SYNE1: variants seen among roughly 807,000 people sequenced by gnomAD.
SYNE1 encodes the protein nesprin-1.
Under a neutral mutation model 1,111.0 loss-of-function variants are expected in SYNE1, and 616 were observed. The observed-to-expected ratio is 0.55, with a 90% CI of 0.52 to 0.59. The LOEUF is 0.59. SYNE1 is among the 20% of genes least tolerant of loss of function. The probability of loss-of-function intolerance (pLI) is 0.00; values close to 1 mark genes in which losing one functional copy is unlikely to be tolerated. For missense variants in SYNE1, 10,006 were observed against 10,417.0 expected (o/e 0.96, Z 1.72); for synonymous variants, 3,855 against 3,825.8 (o/e 1.01, Z -0.28).
intron 93 of SYNE1, among the ~76,000 whole-genome samples, chr6:152,298,715 C>T (rs1261105425): frequency 6.6e-6 from 1 of 152,098 alleles, no homozygotes; most frequent in Non-Finnish European, 1.5e-5. Context: ...TTTCAAGAGA[C>T]AATTTTATAA....
chr6:152,221,148 C>A, intron 118 of SYNE1, 102 bp from the exon 119 acceptor site: 1 of 1,255,338 alleles, frequency 8.0e-7, no homozygotes, highest in Non-Finnish European at 1.1e-6. Flanking sequence ...TGAATATAGA[C>A]ATAATCATTT....
At chr6:152,341,088 C>G (rs1488231705) in intron 74 of SYNE1, among the ~76,000 whole-genome samples, 1 of 152,104 alleles carries the variant, frequency 6.6e-6, no homozygotes, top group Non-Finnish European at 1.5e-5. Flanking sequence ...TGTGGATTAC[C>G]TAGACATGCT....
At chr6:152,542,154 T>C (rs2099274088) in intron 3 of SYNE1, among the ~76,000 whole-genome samples, 1 of 152,218 alleles carries the variant, frequency 6.6e-6, no homozygotes. Flanking sequence ...TGTCTTTGTC[T>C]CTGACCTTGT....
At chr6:152,427,524 C>A in intron 38 of SYNE1, 169 bp downstream of exon 38, 2 of 744,312 alleles carry the variant, frequency 2.7e-6, no homozygotes, top group South Asian at 1.8e-5. Context: ...CCTTTCAGGT[C>A]ATGGTTGCTT....
chr6:152,461,849 T>A, intron 20 of SYNE1, 109 bp from the exon 21 acceptor site: 1 of 1,419,638 alleles, frequency 7.0e-7, no homozygotes, highest in Non-Finnish European at 9.9e-7. Flanking sequence ...TAAAATCCAA[T>A]ACTTACACTA....
intron 3 of SYNE1, among the ~76,000 whole-genome samples, chr6:152,626,828 AT>A (rs1241827675): frequency 6.6e-6 from 1 of 152,068 alleles, no homozygotes; most frequent in African/African-American, 2.4e-5. Context: ...CAATATCCTG[AT>A]TTTCTATAGC....
At chr6:152,478,176 T>C (rs1224868555) in intron 14 of SYNE1, among the ~76,000 whole-genome samples, 3 of 152,166 alleles carry the variant, frequency 2.0e-5, no homozygotes, top group Non-Finnish European at 2.9e-5. Context: ...CCTGGTAAAC[T>C]TCACATGGTA....
At chr6:152,150,453 C>T (rs73632499) in intron 135 of SYNE1, among the ~76,000 whole-genome samples, 18,307 of 152,196 alleles carry the variant, frequency 0.12, 2,043 homozygotes, top group African/African-American at 0.29. Flanking sequence ...AATGTTGATT[C>T]GCCTGTGAGA....
intron 3 of SYNE1, among the ~76,000 whole-genome samples, chr6:152,625,067 T>C (rs2099683199): frequency 6.6e-6 from 1 of 152,228 alleles, no homozygotes; most frequent in Non-Finnish European, 1.5e-5. Context: ...TCTAGGAGAA[T>C]GTTCTTATGA....
At chr6:152,267,269 C>A (rs970920707) in intron 100 of SYNE1, among the ~76,000 whole-genome samples, 2 of 152,036 alleles carry the variant, frequency 1.3e-5, no homozygotes, top group Admixed American at 1.3e-4. Flanking sequence ...CAAATTACAA[C>A]TTTTAGTAAT....
Position 152,505,161 on chromosome 6 carries a change from C to T in SYNE1, c.778+40G>A, listed in dbSNP as rs749295066. The T allele has an allele frequency of 2.4e-5, 38 of 1,603,616 alleles. No individual in the cohort carries two copies. In the South Asian group the frequency reaches 3.5e-4, roughly 15 times the overall value. On this transcript the variant is annotated intron_variant, in intron 9 of 145. Coordinates refer to ENST00000367255, the MANE Select transcript of SYNE1 (RefSeq NM_182961.4). ...CTGGGTTTAAGACATAAAAACCCTC[C>T]GTGTTAAGGTATATAACAGTCAATG... is the stretch of plus-strand genomic sequence containing the variant.
At chr6:152,293,856 C>G (rs1280338910) in intron 94 of SYNE1, 104 bp downstream of exon 94, 1 of 1,607,748 alleles carries the variant, frequency 6.2e-7, no homozygotes, top group Non-Finnish European at 8.5e-7. Flanking sequence ...ATAGGGTACT[C>G]AACTGTGGAC....
chr6:152,134,950 G>A (rs2056710550), intron 142 of SYNE1, 154 bp downstream of exon 142: 1 of 915,176 alleles, frequency 1.1e-6, no homozygotes, highest in African/African-American at 1.7e-5. Flanking sequence ...ACAAAGATTG[G>A]AAACCACAGG....
At chr6:152,359,832 G>A (rs904523634) in intron 64 of SYNE1, among the ~76,000 whole-genome samples, 16 of 146,768 alleles carry the variant, frequency 1.1e-4, no homozygotes, top group Admixed American at 2.8e-4. Context: ...TTTTCAAACA[G>A]CAAATGCCAT....
chr6:152,610,036 G>A (rs764010126), intron 3 of SYNE1, among the ~76,000 whole-genome samples: 67 of 152,202 alleles, frequency 4.4e-4, no homozygotes, highest in Non-Finnish European at 7.8e-4. Context: ...CAAAGATGGG[G>A]AGAAACCAGA....
intron 3 of SYNE1, among the ~76,000 whole-genome samples, chr6:152,585,598 A>C (rs1034139524): frequency 1.3e-5 from 2 of 152,186 alleles, no homozygotes; most frequent in Non-Finnish European, 2.9e-5. Flanking sequence ...ATTTTTCTCC[A>C]ACTTTCTCAT....
chr6:152,523,036 T>C (rs921653580), intron 5 of SYNE1, among the ~76,000 whole-genome samples: 1 of 152,050 alleles, frequency 6.6e-6, no homozygotes, highest in Non-Finnish European at 1.5e-5. Context: ...TTCTTTTGCT[T>C]GCAGAAACTT....
Position 152,236,282 on chromosome 6 carries a change from C to A in SYNE1, c.20221G>T (p.Glu6741Ter), listed in dbSNP as rs1291170413. The A allele has an allele frequency of 6.2e-7, 1 of 1,613,230 alleles. No individual in the cohort carries two copies. The highest frequency in any genetic ancestry group is 1.3e-5 in the African/African-American group (1 of 74,874). The stretch of plus-strand genomic sequence containing the variant: ...ACTTGATATAATTTGGGCTGGTATT[C>A]ATTAAGGCTAGATTTTAAATGCTAA... ...LYQHLKSSLN[E>*]YQPKLYQVLD... The change falls in exon 110 of 146, where the codon GAA becomes TAA. Residue 6741 changes from glutamate (E) to a stop codon, truncating the protein, a stop_gained. Coordinates refer to ENST00000367255, the MANE Select transcript of SYNE1 (RefSeq NM_182961.4). LOFTEE classifies it high-confidence loss of function.
At chr6:152,604,294 T>A (rs1468557029) in intron 3 of SYNE1, among the ~76,000 whole-genome samples, 1 of 151,890 alleles carries the variant, frequency 6.6e-6, no homozygotes, top group Non-Finnish European at 1.5e-5. Context: ...TCTGAGGAAA[T>A]TAAGCTTTAT....
Sources: allele counts gnomAD v4.1 joint callset (sites outside exome capture counted in the v4.1 genomes callset), GRCh38; gene constraint gnomAD v4.1.1; transcripts MANE v1.5; gene names NCBI Gene and HGNC (gene_info 2026-07-23, HGNC 2026-07-21).